Variants in MYO19 observed in about 807,000 individuals in gnomAD.
MYO19 encodes myosin XIX, also known as unconventional myosin-XIX.
In MYO19, 132 loss-of-function variants were observed where a neutral mutation model predicts 129.2. The ratio of observed to expected loss-of-function variants is 1.02; its 90% CI spans 0.89 to 1.18. The LOEUF (loss-of-function observed/expected upper bound fraction) is 1.18, where lower values mean the gene tolerates loss of function less well. Among genes scored for constraint, MYO19 ranks in the 50% most tolerant of loss-of-function variants. The pLI is 0.00. For synonymous variants in MYO19, 531 were observed against 477.2 expected (o/e 1.11, Z -1.47); for missense variants, 1,210 against 1,216.7 (o/e 0.99, Z 0.08).
intron 18 of MYO19, among the ~76,000 whole-genome samples, chr17:36,505,931 C>T (rs914386716): frequency 2.6e-5 from 4 of 152,020 alleles, no homozygotes; most frequent in African/African-American, 7.3e-5. Context: ...GGTGCCTCCT[C>T]GAGGTGGTGG....
upstream of MYO19, among the ~76,000 whole-genome samples, chr17:36,539,889 A>AT (rs142199109): frequency 0.089 from 12,732 of 143,576 alleles, 604 homozygotes; most frequent in East Asian, 0.17. Context: ...TTCCCCACAG[A>AT]TTTTTTTTTT....
upstream of MYO19, among the ~76,000 whole-genome samples, chr17:36,544,393 T>C (rs938994354): frequency 1.3e-5 from 2 of 152,126 alleles, no homozygotes; most frequent in Non-Finnish European, 2.9e-5. Context: ...GCGAATTCAG[T>C]GGCGTCAAGG....
At chr17:36,522,497 C>A (rs561095384) in intron 6 of MYO19, among the ~76,000 whole-genome samples, 4 of 150,024 alleles carry the variant, frequency 2.7e-5, no homozygotes, top group Non-Finnish European at 5.9e-5. Flanking sequence ...GGCGACAGTG[C>A]GAGACTTGGT....
chr17:36,495,867 C>T lies in MYO19; in HGVS notation c.*384G>A. 8.1e-7 allele frequency: 1 copy of T among 1,239,154 alleles called. No individual in the cohort carries two copies. The highest frequency in any genetic ancestry group is 1.5e-5 in the African/African-American group (1 of 64,642). 76.8% of individuals were successfully genotyped at this position (1,239,154 alleles called of 1,614,324 possible). A position where few individuals can be genotyped will look rare whatever the true frequency, so the allele number is the denominator to read the frequency against. ...GAAATAACCACAAGATTTTTCCCAGCCCAAATTCCAGCGCCAATTTTAGGC... is the reference window on the plus strand; with the variant it reads ...GAAATAACCACAAGATTTTTCCCAGTCCAAATTCCAGCGCCAATTTTAGGC... On this transcript the variant is annotated 3_prime_UTR_variant, in exon 26 of 26. Transcript: ENST00000614623.
Position 36,528,120 on chromosome 17 carries a change from A to C in MYO19, c.95T>G (p.Val32Gly). The C allele has an allele frequency of 6.2e-7, 1 of 1,613,452 alleles. No individual in the cohort carries two copies. The highest frequency in any genetic ancestry group is 8.5e-7 in the Non-Finnish European group (1 of 1,179,754). ...GAGGTCATCCAGTTTGTACAGCAGG[A>C]CCTCCCCACCCAGGAACTCCTGCAG... Reference protein sequence around the residue: ...EDLQEFLGGEVLLYKLDDLTR... With the variant: ...EDLQEFLGGEGLLYKLDDLTR... The change falls in exon 4 of 26, where the codon GTC (valine) becomes GGC (glycine). Residue 32 changes from valine to glycine, a missense_variant. By Grantham distance (109) the Val-to-Gly change is moderately radical. Coordinates refer to ENST00000614623, the MANE Select transcript of MYO19 (RefSeq NM_001163735.2).
At chr17:36,501,779 T>G (rs1874474928) in intron 21 of MYO19, 1 of 152,210 alleles carries the variant, frequency 6.6e-6, no homozygotes, top group African/African-American at 2.4e-5. Flanking sequence ...ATCCCAGCCC[T>G]GCAAAGGTCC....
chr17:36,535,067 G>A (rs1015100056), upstream of MYO19: 2 of 152,292 alleles, frequency 1.3e-5, no homozygotes, highest in Admixed American at 1.3e-4. Context: ...GAGATGTTTT[G>A]CGACCCTGGG....
At chr17:36,516,189 T>G (rs1464674058) in intron 6 of MYO19, among the ~76,000 whole-genome samples, 199 bp from the exon 7 acceptor site, 3 of 152,160 alleles carry the variant, frequency 2.0e-5, no homozygotes, top group Non-Finnish European at 4.4e-5. Flanking sequence ...GACATCTGTT[T>G]CTCTCAGCTC....
chr17:36,496,314 C>A lies in MYO19; in HGVS notation c.2850G>T (p.Gln950His). The change falls in exon 26 of 26, where the codon CAG becomes CAT. Residue 950 changes from glutamine (Q) to histidine (H), a missense_variant. Physicochemically the swap from Gln to His is conservative, Grantham distance 24. Coordinates refer to ENST00000614623, the MANE Select transcript of MYO19 (RefSeq NM_001163735.2). Reference protein sequence around the residue: ...PSPYSITGFNQILLERHRLIH... With the variant: ...PSPYSITGFNHILLERHRLIH... Reference sequence around the variant, plus strand: ...TCAGCCTGTGTCTTTCCAGCAGAATCTGATTAAAGCCTGTAATGCTGTAGG... The same window carrying A: ...TCAGCCTGTGTCTTTCCAGCAGAATATGATTAAAGCCTGTAATGCTGTAGG... 2 of 1,614,010 alleles carry A rather than the reference C, an allele frequency of 1.2e-6. No homozygotes were observed. Among genetic ancestry groups the A allele is most frequent in the South Asian group, 2.2e-5 (2 of 91,090 alleles).
chr17:36,528,736 T>G (rs540769155), intron 3 of MYO19, among the ~76,000 whole-genome samples: 1 of 152,232 alleles, frequency 6.6e-6, no homozygotes, highest in East Asian at 1.9e-4. Context: ...TAAACTCAAC[T>G]GACAAGGTTA....
chr17:36,519,938 GTCATTCTTATCTTTGT>G (rs1423385782), intron 6 of MYO19, among the ~76,000 whole-genome samples: 2 of 151,982 alleles, frequency 1.3e-5, no homozygotes, highest in Non-Finnish European at 2.9e-5. Flanking sequence ...GATTCCTATG[GTCATTCTTATCTTTGT>G]TCATTTTTAT....
chr17:36,503,790 G>T (rs938013059), intron 20 of MYO19, among the ~76,000 whole-genome samples, 160 bp downstream of exon 20: 2 of 152,216 alleles, frequency 1.3e-5, no homozygotes, highest in African/African-American at 4.8e-5. Context: ...ATGGATGAAC[G>T]AATGGGTGCT....
intron 11 of MYO19, chr17:36,512,691 G>A: frequency 7.8e-7 from 1 of 1,289,180 alleles, no homozygotes; most frequent in South Asian, 1.2e-5. Flanking sequence ...ATCTGGAGGT[G>A]AGGGTCACTT....
At chr17:36,509,361 T>G (rs926764002) in intron 13 of MYO19, 2 of 590,370 alleles carry the variant, frequency 3.4e-6, no homozygotes, top group Non-Finnish European at 6.1e-6. Context: ...AAACCTGGCA[T>G]GTCCTTATGG....
Position 36,496,547 on chromosome 17 carries a change from A to G in MYO19, c.2758-141T>C, listed in dbSNP as rs1032510774. The G allele has an allele frequency of 1.2e-5, 9 of 743,436 alleles. No individual in the cohort carries two copies. In the African/African-American group the frequency reaches 1.4e-4, roughly 12 times the overall value. The allele number at this position is 743,436 out of a possible 1,614,324, so 46.1% of individuals were successfully genotyped here. ...GGGGCCACAGCAGGATTAAAATAGC[A>G]TTACATCCACTCAGTGTGAGACAGA... On this transcript the variant is annotated intron_variant, in intron 25 of 25. Transcript: ENST00000614623.
At chr17:36,534,874 G>T (rs907587777), upstream of MYO19, 1 of 152,328 alleles carries the variant, frequency 6.6e-6, no homozygotes, top group Admixed American at 6.5e-5. Flanking sequence ...AAGAGGAGGG[G>T]CAAGAGCGTG....
chr17:36,504,721 T>C (rs879483705), intron 19 of MYO19: 4 of 171,176 alleles, frequency 2.3e-5, no homozygotes, highest in Non-Finnish European at 5.1e-5. Flanking sequence ...GAGACCAGCC[T>C]GGCTAACATG....
intron 18 of MYO19, among the ~76,000 whole-genome samples, chr17:36,506,234 C>T (rs1363966415): frequency 6.6e-6 from 1 of 152,072 alleles, no homozygotes; most frequent in Non-Finnish European, 1.5e-5. Context: ...GCATAGTGCC[C>T]CCATAGGCCC....
upstream of MYO19, among the ~76,000 whole-genome samples, chr17:36,536,620 T>G (rs1052459459): frequency 5.3e-5 from 8 of 149,846 alleles, no homozygotes; most frequent in Middle Eastern, 3.2e-3. Context: ...GTTCAACCGA[T>G]TCTCCTGCCT....
Sources: allele counts gnomAD v4.1 joint callset (sites outside exome capture counted in the v4.1 genomes callset), GRCh38; gene constraint gnomAD v4.1.1; transcripts MANE v1.5; gene names NCBI Gene and HGNC (gene_info 2026-07-23, HGNC 2026-07-21).